The following DOCK4 variants were observed in gnomAD, a reference collection of about 807,000 sequenced individuals.
DOCK4 encodes the protein dedicator of cytokinesis 4, also known as dedicator of cytokinesis protein 4.
A neutral mutation model predicts 268.1 loss-of-function variants in DOCK4; 97 were observed. That is an observed-to-expected ratio of 0.36 (90% CI 0.31 to 0.43). The LOEUF (loss-of-function observed/expected upper bound fraction) is 0.43. DOCK4 is among the 20% of genes least tolerant of loss of function. The pLI is 1.00. For synonymous variants in DOCK4, 954 were observed against 887.2 expected, an observed-to-expected ratio of 1.08 and a Z score of -1.34; for missense variants, 2,145 against 2,455.7, an observed-to-expected ratio of 0.87 and a Z score of 2.67.
At chr7:111,939,387 C>T (rs1046998286) in intron 11 of DOCK4, among the ~76,000 whole-genome samples, 31 of 151,456 alleles carry the variant, frequency 2.0e-4, no homozygotes, top group Non-Finnish European at 1.9e-4. Context: ...TGGTGGCGGG[C>T]GCCTGTAGTC....
chr7:112,105,019 T>C (rs1004954116), intron 1 of DOCK4, among the ~76,000 whole-genome samples: 6 of 152,182 alleles, frequency 3.9e-5, no homozygotes, highest in Admixed American at 2.0e-4. Flanking sequence ...ACTACTAGCT[T>C]AATATGCTGC....
At chr7:112,000,425 A>C in intron 3 of DOCK4, 69 bp downstream of exon 3, 1 of 1,029,750 alleles carries the variant, frequency 9.7e-7, no homozygotes, top group Non-Finnish European at 1.4e-6. Context: ...CAATTGTATA[A>C]AGAAATAATT....
At chr7:112,174,978 T>A (rs1818382222) in intron 1 of DOCK4, among the ~76,000 whole-genome samples, 1 of 148,936 alleles carries the variant, frequency 6.7e-6, no homozygotes, top group Non-Finnish European at 1.5e-5. Flanking sequence ...TCTCACTCTG[T>A]TGCCCAGGCT....
At chr7:112,112,696 G>C (rs889371219) in intron 1 of DOCK4, among the ~76,000 whole-genome samples, 2 of 151,570 alleles carry the variant, frequency 1.3e-5, no homozygotes, top group Non-Finnish European at 2.9e-5. Flanking sequence ...ACAGTCTACA[G>C]AACTGTGAGC....
chr7:111,861,387 G>A (rs1805501819), intron 23 of DOCK4, among the ~76,000 whole-genome samples: 1 of 152,010 alleles, frequency 6.6e-6, no homozygotes, highest in Non-Finnish European at 1.5e-5. Flanking sequence ...TTCATACAGT[G>A]GAATATCATA....
rs553257383 is a variant in DOCK4, at chr7:111,935,071, C to T, written c.1066+469G>A. On this transcript the variant is annotated intron_variant, in intron 12 of 52. Coordinates refer to ENST00000428084, the MANE Select transcript of DOCK4 (RefSeq NM_001363540.2). ...AAGCAATTCTCCTTTCTCAACCTCC[C>T]GAGTAGCTGGGATTACAGGCACCTG... 4.6e-5 allele frequency among the ~76,000 whole-genome samples: 7 copies of T among 151,400 alleles called. No homozygotes were observed. In the South Asian group the frequency reaches 8.3e-4, roughly 18 times the overall value.
At chr7:112,120,931 G>A (rs1812673694) in intron 1 of DOCK4, among the ~76,000 whole-genome samples, 1 of 152,162 alleles carries the variant, frequency 6.6e-6, no homozygotes, top group Non-Finnish European at 1.5e-5. Flanking sequence ...TGACTGTAGG[G>A]GGATTGGGAA....
At chr7:111,936,120 T>A (rs1794719192) in intron 11 of DOCK4, among the ~76,000 whole-genome samples, 1 of 152,232 alleles carries the variant, frequency 6.6e-6, no homozygotes, top group African/African-American at 2.4e-5. Context: ...TTAGTTCTCA[T>A]TAGCAAGTCT....
chr7:112,022,252 G>A, intron 1 of DOCK4, among the ~76,000 whole-genome samples: 1 of 152,336 alleles, frequency 6.6e-6, no homozygotes, highest in East Asian at 1.9e-4. Context: ...TGAGCCAGAA[G>A]TATCCACAAA....
At chr7:112,093,168 G>A (rs1345919836) in intron 1 of DOCK4, among the ~76,000 whole-genome samples, 1 of 152,054 alleles carries the variant, frequency 6.6e-6, no homozygotes, top group Non-Finnish European at 1.5e-5. Flanking sequence ...AAGAATACAA[G>A]TAGGCACAAT....
intron 1 of DOCK4, among the ~76,000 whole-genome samples, chr7:112,013,426 G>A (rs1801525200): frequency 1.3e-5 from 2 of 152,146 alleles, no homozygotes; most frequent in African/African-American, 4.8e-5. Context: ...AAGGAGATAG[G>A]GGAGCCAGTG....
rs1336676205 is a variant in DOCK4, at chr7:111,783,901, T to A, written c.3480A>T (p.Leu1160Phe). ...RETWRESGVS[L>F]IATVTRLMER... ...CCATTAGACGAGTTACAGTAGCAAT[T>A]AATGAAACGCCACTTTCCCGCCATG... The change falls in exon 34 of 53, where the codon TTA (leucine) becomes TTT (phenylalanine). Residue 1160 changes from leucine (L) to phenylalanine (F), a missense_variant. Leu to Phe is a conservative substitution (Grantham distance 22, BLOSUM62 0). Transcript: ENST00000428084. 5 of 1,606,240 alleles carry A rather than the reference T, an allele frequency of 3.1e-6. No homozygotes were observed. The highest frequency in any genetic ancestry group is 2.6e-6 in the Non-Finnish European group (3 of 1,175,998).
chr7:111,865,862 C>A (rs1805934910), intron 22 of DOCK4, among the ~76,000 whole-genome samples: 1 of 152,184 alleles, frequency 6.6e-6, no homozygotes, highest in Admixed American at 6.5e-5. Flanking sequence ...CAGCTGACAG[C>A]ACCTCCCCCC....
intron 1 of DOCK4, among the ~76,000 whole-genome samples, chr7:112,072,454 T>G (rs1807681946): frequency 6.6e-6 from 1 of 152,212 alleles, no homozygotes; most frequent in Non-Finnish European, 1.5e-5. Flanking sequence ...AAGGGAATCC[T>G]TATATTTTGT....
chr7:111,874,093 C>T (rs1806649742), intron 17 of DOCK4, among the ~76,000 whole-genome samples: 1 of 152,134 alleles, frequency 6.6e-6, no homozygotes, highest in Admixed American at 6.5e-5. Context: ...TTGCTGCTTC[C>T]CTCCTACCTA....
chr7:112,172,207 A>G (rs772122259), intron 1 of DOCK4, among the ~76,000 whole-genome samples: 5 of 151,156 alleles, frequency 3.3e-5, no homozygotes, highest in Non-Finnish European at 5.9e-5. Context: ...TGTGCTGTGC[A>G]TTTTGGGATT....
At chr7:112,203,465 A>G (rs901636298) in intron 1 of DOCK4, among the ~76,000 whole-genome samples, 2 of 152,228 alleles carry the variant, frequency 1.3e-5, no homozygotes, top group African/African-American at 4.8e-5. Flanking sequence ...CCATGTTTAC[A>G]GTATGCTGCT....
chr7:112,043,147 G>A (rs1470593314), intron 1 of DOCK4, among the ~76,000 whole-genome samples: 1 of 152,018 alleles, frequency 6.6e-6, no homozygotes, highest in South Asian at 2.1e-4. Context: ...ACTAAGACAG[G>A]CAGAGAAAGG....
chr7:111,802,474 G>GA (rs35875668), intron 30 of DOCK4, among the ~76,000 whole-genome samples: 2 of 152,068 alleles, frequency 1.3e-5, no homozygotes, highest in Middle Eastern at 3.2e-3. Flanking sequence ...GGGTATGTGT[G>GA]AAAAAAGGGG....
Sources: allele counts gnomAD v4.1 joint callset (sites outside exome capture counted in the v4.1 genomes callset), GRCh38; gene constraint gnomAD v4.1.1; transcripts MANE v1.5; gene names NCBI Gene and HGNC (gene_info 2026-07-23, HGNC 2026-07-21).